EPHA6: variants seen among roughly 807,000 people sequenced by gnomAD.
EPHA6 encodes the protein EPH receptor A6.
Under a neutral mutation model 112.0 loss-of-function variants are expected in EPHA6, and 50 were observed. That is an observed-to-expected ratio of 0.45 (90% CI 0.36 to 0.56). EPHA6 has a LOEUF of 0.56. Among genes scored for constraint, EPHA6 ranks in the 20% least tolerant of loss-of-function variants. EPHA6 has a pLI of 0.00. For missense variants in EPHA6, 1,280 were observed against 1,417.4 expected (o/e 0.90, Z 1.56); for synonymous variants, 529 against 490.7 (o/e 1.08, Z -1.03).
intron 11 of EPHA6, among the ~76,000 whole-genome samples, chr3:97,588,935 T>C (rs954046160): frequency 2.0e-5 from 3 of 152,182 alleles, no homozygotes; most frequent in African/African-American, 7.2e-5. Context: ...TTGTTACATA[T>C]GCAAATGTTT....
intron 5 of EPHA6, among the ~76,000 whole-genome samples, chr3:97,386,005 G>A (rs1030965260): frequency 8.6e-5 from 13 of 152,042 alleles, no homozygotes; most frequent in Non-Finnish European, 1.5e-4. Flanking sequence ...GGCAAATCAC[G>A]TCATTCCACC....
At chr3:97,367,553 T>G (rs548105683) in intron 5 of EPHA6, among the ~76,000 whole-genome samples, 181 of 152,158 alleles carry the variant, frequency 1.2e-3, no homozygotes, top group African/African-American at 4.0e-3. Flanking sequence ...ACAGTTGTGT[T>G]GGGGGGTTGT....
chr3:97,229,725 A>C (rs1475059070), intron 4 of EPHA6, among the ~76,000 whole-genome samples: 2 of 152,114 alleles, frequency 1.3e-5, no homozygotes, highest in Admixed American at 6.5e-5. Context: ...ATTACTATAG[A>C]TTTCCTTATA....
At chr3:96,836,446 A>T (rs557676389) in intron 1 of EPHA6, among the ~76,000 whole-genome samples, 3 of 152,210 alleles carry the variant, frequency 2.0e-5, no homozygotes, top group African/African-American at 7.2e-5. Context: ...TCTATTTTAC[A>T]AGGTTGTTGT....
At chr3:96,896,260 T>C (rs1044083500) in intron 2 of EPHA6, among the ~76,000 whole-genome samples, 1 of 152,224 alleles carries the variant, frequency 6.6e-6, no homozygotes, top group Non-Finnish European at 1.5e-5. Context: ...CCTTTTAGAC[T>C]ACATAGGGAT....
At chr3:96,924,787 C>G (rs1559836050) in intron 2 of EPHA6, among the ~76,000 whole-genome samples, 1 of 151,910 alleles carries the variant, frequency 6.6e-6, no homozygotes, top group Non-Finnish European at 1.5e-5. Context: ...ATATATGGCT[C>G]TTATTATTTG....
chr3:97,033,955 A>G (rs1035784004), intron 3 of EPHA6, among the ~76,000 whole-genome samples: 3 of 151,940 alleles, frequency 2.0e-5, no homozygotes, highest in Non-Finnish European at 4.4e-5. Context: ...CTGAGCTAAA[A>G]CAATAACAAA....
At chr3:97,050,539 G>A (rs562588687) in intron 3 of EPHA6, among the ~76,000 whole-genome samples, 10 of 152,232 alleles carry the variant, frequency 6.6e-5, no homozygotes, top group Admixed American at 1.3e-4. Flanking sequence ...TGCTTTGAGA[G>A]CATTAAAAAT....
At chr3:96,968,086 T>C (rs1164522540) in intron 2 of EPHA6, among the ~76,000 whole-genome samples, 1 of 151,812 alleles carries the variant, frequency 6.6e-6, no homozygotes, top group African/African-American at 2.4e-5. Flanking sequence ...TACAATGTAG[T>C]TTTTCTATTT....
intron 3 of EPHA6, among the ~76,000 whole-genome samples, chr3:97,049,040 C>G (rs1196175794): frequency 1.3e-5 from 2 of 152,266 alleles, no homozygotes; most frequent in East Asian, 1.9e-4. Flanking sequence ...ATGGCAAGAA[C>G]AAATGTCCTG....
chr3:97,475,518 A>T, intron 8 of EPHA6, 58 bp downstream of exon 8: 1 of 1,230,656 alleles, frequency 8.1e-7, no homozygotes, highest in South Asian at 1.3e-5. Flanking sequence ...CTTTTTATAC[A>T]TTGTGTATTC....
At chr3:97,191,746 G>A (rs1009977802) in intron 3 of EPHA6, among the ~76,000 whole-genome samples, 3 of 152,096 alleles carry the variant, frequency 2.0e-5, no homozygotes, top group African/African-American at 7.2e-5. Flanking sequence ...GAACACTTAG[G>A]TGGCTTCCAA....
chr3:97,108,728 C>T (rs908344465), intron 3 of EPHA6, among the ~76,000 whole-genome samples: 4 of 152,136 alleles, frequency 2.6e-5, no homozygotes, highest in Admixed American at 1.3e-4. Flanking sequence ...ACAAGGTAAA[C>T]ATTAACAAGC....
chr3:97,001,450 TG>T (rs2043660849), intron 3 of EPHA6, among the ~76,000 whole-genome samples: 2 of 151,958 alleles, frequency 1.3e-5, no homozygotes, highest in South Asian at 4.1e-4. Flanking sequence ...AAATTACTGG[TG>T]TTCTCAGTTA....
chr3:97,478,165 T>G (rs554310330), intron 8 of EPHA6, among the ~76,000 whole-genome samples: 10 of 152,262 alleles, frequency 6.6e-5, no homozygotes, highest in African/African-American at 2.4e-4. Context: ...TTCACTATAT[T>G]GCAAAATTGG....
At chr3:97,578,276 C>G (rs995954990) in intron 11 of EPHA6, among the ~76,000 whole-genome samples, 1 of 152,084 alleles carries the variant, frequency 6.6e-6, no homozygotes, top group African/African-American at 2.4e-5. Flanking sequence ...CTCCGAGACC[C>G]AAGATCCTTC....
chr3:97,278,681 C>A (rs902342530), intron 5 of EPHA6, among the ~76,000 whole-genome samples: 6 of 152,168 alleles, frequency 3.9e-5, no homozygotes, highest in Admixed American at 3.9e-4. Flanking sequence ...CACAGTTAAG[C>A]ACTAGAGGGT....
intron 3 of EPHA6, among the ~76,000 whole-genome samples, chr3:97,003,369 A>G (rs1019854730): frequency 1.3e-5 from 2 of 152,094 alleles, no homozygotes; most frequent in East Asian, 3.9e-4. Flanking sequence ...TGGCCTCCCA[A>G]AGTGCTGGGA....
chr3:97,313,107 ACT>A (rs1020484118), intron 5 of EPHA6, among the ~76,000 whole-genome samples: 15 of 150,834 alleles, frequency 9.9e-5, no homozygotes, highest in African/African-American at 3.6e-4. Context: ...CCAACTTTCT[ACT>A]CTCTATTTCG....
Sources: gnomAD v4.1 joint callset for allele counts (sites outside exome capture counted in the v4.1 genomes callset) on GRCh38, gnomAD v4.1.1 for gene constraint, MANE v1.5 for transcripts, NCBI Gene and HGNC (gene_info 2026-07-23, HGNC 2026-07-21) for gene names.